HS1BP3: variants seen among roughly 807,000 people sequenced by gnomAD.
HS1BP3 encodes HCLS1-binding protein 3.
Under a neutral mutation model 33.5 loss-of-function variants are expected in HS1BP3, and 32 were observed. The observed-to-expected ratio is 0.95, with a 90% CI of 0.72 to 1.28. The LOEUF is 1.28. HS1BP3 is among the 50% of genes most tolerant of loss of function. The probability of loss-of-function intolerance (pLI) is 0.00; values close to 1 mark genes in which losing one functional copy is unlikely to be tolerated. For synonymous variants in HS1BP3, 187 were observed against 209.2 expected (o/e 0.89, Z 0.92); for missense variants, 486 against 502.3 (o/e 0.97, Z 0.31).
At chr2:20,603,902 C>A (rs1432193253) in intron 2 of HS1BP3, among the ~76,000 whole-genome samples, 1 of 152,134 alleles carries the variant, frequency 6.6e-6, no homozygotes, top group Admixed American at 6.5e-5. Context: ...TCACACAAAT[C>A]GCTTCATCTC....
At chr2:20,572,020 T>A (rs1280330070) in intron 5 of HS1BP3, among the ~76,000 whole-genome samples, 1 of 152,124 alleles carries the variant, frequency 6.6e-6, no homozygotes, top group Non-Finnish European at 1.5e-5. Flanking sequence ...AGAGGTTGAG[T>A]CATATCTAAA....
intron 2 of HS1BP3, among the ~76,000 whole-genome samples, chr2:20,644,084 C>G (rs13425638): frequency 0.18 from 27,153 of 152,126 alleles, 2,913 homozygotes; most frequent in African/African-American, 0.31. Flanking sequence ...TGCTGTACTT[C>G]GGGGTCTAGT....
At chr2:20,560,862 G>A (rs1210718921) in intron 5 of HS1BP3, among the ~76,000 whole-genome samples, 1 of 152,124 alleles carries the variant, frequency 6.6e-6, no homozygotes, top group African/African-American at 2.4e-5. Context: ...GCCTCCCTGG[G>A]GACTGTGGGT....
rs1694319237 is a variant in HS1BP3, at chr2:20,611,544, G to C, written c.178+12352C>G. On this transcript the variant is annotated intron_variant, in intron 2 of 3. Coordinates refer to the HS1BP3 transcript ENST00000415264. This position sits in a 1 kb window ranked among gnomAD's most constrained non-coding sequence, Gnocchi z 4.9. ...TGGGAGAGCTGTTGTTGCTCTGAGTGTGGGGTGAGCTGGAATGTACTCCCC... is the reference window on the plus strand; with the variant it reads ...TGGGAGAGCTGTTGTTGCTCTGAGTCTGGGGTGAGCTGGAATGTACTCCCC... 6.6e-6 allele frequency among the ~76,000 whole-genome samples: 1 copy of C among 152,184 alleles called. No individual in the cohort carries two copies.
At chr2:20,619,509 G>C (rs1450132099) in intron 6 of HS1BP3, among the ~76,000 whole-genome samples, 1 of 152,236 alleles carries the variant, frequency 6.6e-6, no homozygotes, top group Non-Finnish European at 1.5e-5. Context: ...AGCCTCCTGA[G>C]AGTTGCTCTT....
At chr2:20,591,665 G>T (rs924233883), downstream of HS1BP3, among the ~76,000 whole-genome samples, 3 of 152,178 alleles carry the variant, frequency 2.0e-5, no homozygotes, top group Non-Finnish European at 4.4e-5. Flanking sequence ...TCTGCCTCCT[G>T]TGTTCAAGTG....
At chr2:20,622,425 G>A in intron 6 of HS1BP3, 1 of 800,178 alleles carries the variant, frequency 1.2e-6, no homozygotes, top group Non-Finnish European at 1.8e-6. Flanking sequence ...GACTCCCCAA[G>A]CGCTCTGCGG....
chr2:20,566,714 C>T (rs1184759735), intron 5 of HS1BP3, among the ~76,000 whole-genome samples: 1 of 151,832 alleles, frequency 6.6e-6, no homozygotes, highest in Non-Finnish European at 1.5e-5. Flanking sequence ...TCAAGCGATT[C>T]TCCTGCCTCA....
At chr2:20,619,341 A>C (rs1368628619) in intron 6 of HS1BP3, 96 bp from the exon 7 acceptor site, 51 of 1,093,454 alleles carry the variant, frequency 4.7e-5, no homozygotes, top group Non-Finnish European at 6.2e-5. Context: ...GGGGCTGGGC[A>C]GCGGCAGGGA....
chr2:20,617,726 G>GC (rs1448964284), downstream of HS1BP3: 1 of 152,308 alleles, frequency 6.6e-6, no homozygotes, highest in Non-Finnish European at 1.5e-5. Flanking sequence ...AATAGTGGTT[G>GC]CATTTCCTTT....
intron 6 of HS1BP3, among the ~76,000 whole-genome samples, chr2:20,620,876 C>T (rs578167939): frequency 1.3e-5 from 2 of 152,360 alleles, no homozygotes; most frequent in African/African-American, 2.4e-5. Context: ...GGACACCCCC[C>T]AGCCCAGTCA....
rs1694324405 is a variant in HS1BP3, at chr2:20,611,811, C to T, written c.178+12085G>A. 1.3e-5 allele frequency among the ~76,000 whole-genome samples: 2 copies of T among 152,168 alleles called. No individual in the cohort carries two copies. The highest frequency in any genetic ancestry group is 4.8e-5 in the African/African-American group (2 of 41,438). On this transcript the variant is annotated intron_variant, in intron 2 of 3. Coordinates refer to the HS1BP3 transcript ENST00000415264. This position sits in a 1 kb window ranked among gnomAD's most constrained non-coding sequence, Gnocchi z 4.9. ...TGAGGCAGCAGAAGCAGGCCATCACCCTGCTCAGCAGCGTGGGGTTCAGAG... is the reference window on the plus strand; with the variant it reads ...TGAGGCAGCAGAAGCAGGCCATCACTCTGCTCAGCAGCGTGGGGTTCAGAG...
downstream of HS1BP3, among the ~76,000 whole-genome samples, chr2:20,614,985 C>T (rs116308821): frequency 9.8e-3 from 1,497 of 152,336 alleles, 25 homozygotes; most frequent in African/African-American, 0.035. Flanking sequence ...CAGCGCCAGG[C>T]CTGGCATAGA....
chr2:20,589,340 C>T (rs192359733), downstream of HS1BP3, among the ~76,000 whole-genome samples: 1 of 152,154 alleles, frequency 6.6e-6, no homozygotes, highest in Non-Finnish European at 1.5e-5. Context: ...CTGACATGGG[C>T]GAGACCTCCA....
chr2:20,598,223 G>A (rs1050656076), exon 3 of HS1BP3: 10 of 413,444 alleles, frequency 2.4e-5, no homozygotes, highest in African/African-American at 2.0e-4. Flanking sequence ...TGTAGAATCA[G>A]TGGGAGCCCT....
chr2:20,629,040 A>AG (rs947053238), intron 4 of HS1BP3, among the ~76,000 whole-genome samples: 11 of 152,296 alleles, frequency 7.2e-5, no homozygotes, highest in African/African-American at 2.6e-4. Context: ...AAGACAGGCT[A>AG]GGGGGAACTT....
At position 20,598,206 on chromosome 2, in the gene HS1BP3, A is replaced by C; in HGVS notation, c.*12+2T>G. The C allele has an allele frequency of 2.7e-6, 1 of 371,330 alleles. No individual in the cohort carries two copies. The highest frequency in any genetic ancestry group is 5.6e-6 in the Non-Finnish European group (1 of 178,826). 23.0% of individuals were successfully genotyped at this position (371,330 alleles called of 1,614,324 possible). On this transcript the variant is annotated splice_donor_variant, in intron 3 of 3. Transcript: ENST00000415264. LOFTEE classifies it low-confidence loss of function (3UTR_SPLICE). The stretch of plus-strand genomic sequence containing the variant: ...ATATAATGAAATAATGATCTAACTC[A>C]CCATAATGTAGAATCAGTGGGAGCC...
At chr2:20,591,938 C>T (rs2149279371), downstream of HS1BP3, among the ~76,000 whole-genome samples, 1 of 152,288 alleles carries the variant, frequency 6.6e-6, no homozygotes, top group South Asian at 2.1e-4. Context: ...TAAAATCTGA[C>T]AGCAGCTAGT....
intron 5 of HS1BP3, among the ~76,000 whole-genome samples, chr2:20,563,259 C>T (rs1353305795): frequency 6.6e-6 from 1 of 152,226 alleles, no homozygotes; most frequent in Non-Finnish European, 1.5e-5. Flanking sequence ...CTCTCTAAGA[C>T]AGCCTCCAGT....
Sources: allele counts gnomAD v4.1 joint callset (sites outside exome capture counted in the v4.1 genomes callset), GRCh38; gene constraint gnomAD v4.1.1; non-coding constraint Gnocchi (gnomAD v3.1); transcripts MANE v1.5; gene names NCBI Gene and HGNC (gene_info 2026-07-23, HGNC 2026-07-21).